Variants in USP36 observed in about 807,000 individuals in gnomAD.
The protein encoded by USP36 is ubiquitin carboxyl-terminal hydrolase 36.
Under a neutral mutation model 111.5 loss-of-function variants are expected in USP36, and 59 were observed. That is an observed-to-expected ratio of 0.53 (90% CI 0.43 to 0.66). USP36 has a LOEUF of 0.66. Among genes scored for constraint, USP36 ranks in the 30% least tolerant of loss-of-function variants. USP36 has a pLI of 0.00. For missense variants in USP36, 1,488 were observed against 1,468.0 expected, an observed-to-expected ratio of 1.01 and a Z score of -0.22; for synonymous variants, 628 against 581.0, an observed-to-expected ratio of 1.08 and a Z score of -1.16.
chr17:78,822,228 G>T (rs936657395), intron 6 of USP36, among the ~76,000 whole-genome samples: 6 of 152,154 alleles, frequency 3.9e-5, no homozygotes, highest in African/African-American at 1.4e-4. Flanking sequence ...ACTACCCACA[G>T]TAGCCATTTC....
At chr17:78,793,639 A>T (rs1312307087), downstream of USP36, among the ~76,000 whole-genome samples, 1 of 151,968 alleles carries the variant, frequency 6.6e-6, no homozygotes, top group Non-Finnish European at 1.5e-5. Flanking sequence ...CTCCTTTACC[A>T]CCACGTCCTT....
At chr17:78,791,970 T>C (rs1598950664), downstream of USP36, 1 of 152,140 alleles carries the variant, frequency 6.6e-6, no homozygotes, top group Non-Finnish European at 1.5e-5. Context: ...TTCAGTGGGA[T>C]GTATTGACTG....
intron 17 of USP36, among the ~76,000 whole-genome samples, chr17:78,801,307 CA>C (rs1324891620): frequency 1.3e-5 from 2 of 152,212 alleles, no homozygotes; most frequent in African/African-American, 4.8e-5. Flanking sequence ...TGCTGGCCAG[CA>C]AACTCAGTCG....
At chr17:78,820,371 G>A (rs2094290327) in intron 8 of USP36, among the ~76,000 whole-genome samples, 1 of 152,124 alleles carries the variant, frequency 6.6e-6, no homozygotes, top group South Asian at 2.1e-4. Flanking sequence ...CAGCTGTGTG[G>A]GAGGATCACT....
At chr17:78,792,390 G>A (rs372489967), downstream of USP36, among the ~76,000 whole-genome samples, 12 of 152,224 alleles carry the variant, frequency 7.9e-5, 4 homozygotes, top group Admixed American at 6.5e-5. Context: ...ACCTCGTCCA[G>A]CATCTCCAGT....
At chr17:78,790,092 CTT>C (rs113006106) in intron 3 of USP36, among the ~76,000 whole-genome samples, 7 of 145,676 alleles carry the variant, frequency 4.8e-5, no homozygotes, top group Non-Finnish European at 6.1e-5. Context: ...AGAATAATAC[CTT>C]TTTTTTTTTT....
intron 3 of USP36, among the ~76,000 whole-genome samples, chr17:78,790,211 C>T (rs1292864424): frequency 6.6e-6 from 1 of 152,138 alleles, no homozygotes; most frequent in East Asian, 1.9e-4. Flanking sequence ...GCCTCAGCCT[C>T]CCTGAATAGC....
At position 78,807,284 on chromosome 17, in the gene USP36, G is replaced by C. The variant is rs949473129; in HGVS notation, c.1760C>G (p.Ala587Gly). ...CCCATGCCCGTTGGCAGTGGCTGTA[G>C]CCAGGAGCTTAGGTGAGGTAGAGAG... Reference protein sequence around the residue: ...VVLSTSPKLLATATANGHGLK... With the variant: ...VVLSTSPKLLGTATANGHGLK... Residue 587 changes from alanine (A) to glycine (G), a missense_variant, in exon 14 of 21, where the codon GCT becomes GGT. Transcript: ENST00000449938. The C allele has an allele frequency of 6.2e-7, 1 of 1,614,168 alleles. No individual in the cohort carries two copies. Among genetic ancestry groups the C allele is most frequent in the South Asian group, 1.1e-5 (1 of 91,086 alleles).
At chr17:78,821,249 T>C in intron 7 of USP36, 188 bp from the exon 8 acceptor site, 1 of 574,022 alleles carries the variant, frequency 1.7e-6, no homozygotes, top group Non-Finnish European at 3.1e-6. Context: ...TTCACAAAGA[T>C]GGATGTCAAT....
In USP36 at chr17:78,798,645, G is replaced by A. The variant is rs769037727; in HGVS notation, c.3241-94C>T. 22 of 1,567,938 alleles carry A rather than the reference G, an allele frequency of 1.4e-5. No individual in the cohort carries two copies. The highest frequency in any genetic ancestry group is 2.3e-5 in the South Asian group (2 of 87,644). ...TGCATGCAGGTCCTGCACACAGGCC[G>A]GGCTCTCATGAGCTCTCTGGAGACC... is the stretch of plus-strand genomic sequence containing the variant. On this transcript the variant is annotated intron_variant, in intron 19 of 20. Coordinates refer to ENST00000449938, the MANE Select transcript of USP36 (RefSeq NM_001385174.1). This position sits in a 1 kb window ranked among gnomAD's most constrained non-coding sequence, Gnocchi z 5.1.
intron 4 of USP36, among the ~76,000 whole-genome samples, chr17:78,835,059 A>G (rs1280014370): frequency 6.6e-6 from 1 of 151,278 alleles, no homozygotes; most frequent in East Asian, 1.9e-4. Context: ...CTGGGTAATT[A>G]TTTACAGAAA....
At chr17:78,820,503 G>GCTGCA (rs1273696905) in intron 8 of USP36, among the ~76,000 whole-genome samples, 4 of 152,196 alleles carry the variant, frequency 2.6e-5, no homozygotes, top group Non-Finnish European at 5.9e-5. Context: ...AGAAATGACA[G>GCTGCA]CTGCAGGTCT....
upstream of USP36, chr17:78,841,030 G>C (rs1345525283): frequency 1.3e-5 from 2 of 152,276 alleles, no homozygotes; most frequent in Non-Finnish European, 2.9e-5. Flanking sequence ...CAAGTGCGCA[G>C]AGCCACAGGC....
rs776100532 is a variant in USP36 at position 78,806,247 on chromosome 17, G to A, written c.2125C>T (p.Pro709Ser). Residue 709 changes from proline (P) to serine (S), a missense_variant, in exon 15 of 21, where the codon CCA (proline) becomes TCA (serine). Coordinates refer to ENST00000449938, the MANE Select transcript of USP36 (RefSeq NM_001385174.1). Reference protein sequence around the residue: ...LWRATGNDLRPPPPSPSSDLT... With the variant: ...LWRATGNDLRSPPPSPSSDLT... ...TCGGAGGATGGTGAGGGGGGAGGTG[G>A]ACGGAGGTCATTGCCGGTCGCCCTC... 1 of 1,613,840 alleles carries A rather than the reference G, an allele frequency of 6.2e-7. No individual in the cohort carries two copies.
chr17:78,809,358 T>C (rs946113517), intron 13 of USP36, among the ~76,000 whole-genome samples: 6 of 152,224 alleles, frequency 3.9e-5, no homozygotes, highest in Admixed American at 3.3e-4. Flanking sequence ...TTGTTAATAC[T>C]GTTTTCTAAA....
chr17:78,819,189 C>T (rs1170939211), intron 9 of USP36: 6 of 177,238 alleles, frequency 3.4e-5, no homozygotes, highest in South Asian at 2.3e-4. Context: ...GAAGCAGAGG[C>T]GCGCAGCTTG....
intron 6 of USP36, chr17:78,827,024 C>A (rs1199422361): frequency 4.4e-6 from 3 of 680,034 alleles, no homozygotes; most frequent in African/African-American, 3.5e-5. Flanking sequence ...CCGCCCCGGA[C>A]CAGCAGGACG....
intron 17 of USP36, 76 bp downstream of exon 17, chr17:78,802,247 GT>G: frequency 7.5e-7 from 1 of 1,337,638 alleles, no homozygotes; most frequent in East Asian, 3.2e-5. Flanking sequence ...CCCTCGCCCG[GT>G]GCACACCCAT....
At chr17:78,838,080 C>T (rs1286976812) in intron 2 of USP36, among the ~76,000 whole-genome samples, 4 of 148,756 alleles carry the variant, frequency 2.7e-5, no homozygotes. Context: ...TGGGCAACAT[C>T]GTGAGACCCC....
Sources: gnomAD v4.1 joint callset for allele counts (sites outside exome capture counted in the v4.1 genomes callset) on GRCh38, gnomAD v4.1.1 for gene constraint, Gnocchi (gnomAD v3.1) non-coding constraint, MANE v1.5 for transcripts, NCBI Gene and HGNC (gene_info 2026-07-23, HGNC 2026-07-21) for gene names.